C18orf32: variants seen among roughly 807,000 people sequenced by gnomAD.
The protein encoded by C18orf32 is UPF0729 protein C18orf32.
C18orf32 carries 5 observed loss-of-function variants against 7.4 expected under a neutral mutation model. The observed-to-expected ratio is 0.68, with a 90% confidence interval of 0.35 to 1.42. The LOEUF is 1.42. Among genes scored for constraint, C18orf32 ranks in the 40% most tolerant of loss-of-function variants. The pLI is 0.04. For synonymous variants in C18orf32, 30 were observed against 29.3 expected, an observed-to-expected ratio of 1.02 and a Z score of -0.08; for missense variants, 88 against 92.4, an observed-to-expected ratio of 0.95 and a Z score of 0.19.
intron 1 of C18orf32, among the ~76,000 whole-genome samples, 171 bp from the exon 2 acceptor site, chr18:49,483,942 A>C (rs2083699762): frequency 6.6e-6 from 1 of 151,490 alleles, no homozygotes; most frequent in Admixed American, 6.6e-5. Flanking sequence ...ACCAACTTGC[A>C]CAACAAAGTG....
rs1378608696 is a variant in C18orf32, at chr18:49,480,205, C to G, written c.*2140G>C. ...TGGTGGCACACACCTGTAGTCCTAGCAATTCAGGAGGCTGAGGTGGGAGGA... is the reference window on the plus strand; with the variant it reads ...TGGTGGCACACACCTGTAGTCCTAGGAATTCAGGAGGCTGAGGTGGGAGGA... On this transcript the variant is annotated 3_prime_UTR_variant, in exon 3 of 3. Transcript: ENST00000318240. The G allele has an allele frequency of 6.5e-6, 1 of 152,780 alleles. No individual in the cohort carries two copies. Among genetic ancestry groups the G allele is most frequent in the African/African-American group, 2.4e-5 (1 of 41,428 alleles). 9.5% of individuals were successfully genotyped at this position (152,780 alleles called of 1,614,324 possible).
At chr18:49,482,980 G>C (rs926056528) in intron 2 of C18orf32, among the ~76,000 whole-genome samples, 1 of 151,916 alleles carries the variant, frequency 6.6e-6, no homozygotes, top group Non-Finnish European at 1.5e-5. Context: ...GGTATTTTTA[G>C]TAGAAACAGG....
At position 49,479,781 on chromosome 18, in the gene C18orf32, C is replaced by G. The variant is rs187951277; in HGVS notation, c.*2564G>C. 1 of 152,426 alleles carries G rather than the reference C, an allele frequency of 6.6e-6. No homozygotes were observed. Among genetic ancestry groups the G allele is most frequent in the African/African-American group, 2.4e-5 (1 of 41,552 alleles). 9.4% of individuals were successfully genotyped at this position (152,426 alleles called of 1,614,324 possible). On this transcript the variant is annotated 3_prime_UTR_variant, in exon 3 of 3. Coordinates refer to ENST00000318240, the MANE Select transcript of C18orf32 (RefSeq NM_001035005.4). The stretch of plus-strand genomic sequence containing the variant: ...CTGCTATGGATCGCTATTGGCCAAA[C>G]CCAGCAGAACCCAGAGACATGGGAA...
chr18:49,482,848 G>C (rs1244240486), intron 2 of C18orf32, among the ~76,000 whole-genome samples: 1 of 148,600 alleles, frequency 6.7e-6, no homozygotes, highest in Non-Finnish European at 1.5e-5. Flanking sequence ...ACCCAGGCTG[G>C]AGTGCAATGA....
intron 1 of C18orf32, chr18:49,486,130 TCA>T (rs997064263): frequency 6.0e-5 from 9 of 150,316 alleles, no homozygotes; most frequent in Admixed American, 4.7e-4. Context: ...TCCAAAGTTC[TCA>T]CAGAGGTAAC....
intron 1 of C18orf32, chr18:49,485,987 G>A (rs1167611215): frequency 6.6e-6 from 1 of 151,330 alleles, no homozygotes; most frequent in Non-Finnish European, 1.5e-5. Context: ...GCTGAGGAAG[G>A]AGAGAACCGC....
At position 49,482,205 on chromosome 18, in the gene C18orf32, C is replaced by A. The variant is rs2083669491; in HGVS notation, c.*140G>T. The stretch of plus-strand genomic sequence containing the variant: ...TTTTAAATACGGATATCATATATTT[C>A]CTGATTAGTATCAGGTAAATATCTA... On this transcript the variant is annotated 3_prime_UTR_variant, in exon 3 of 3. Transcript: ENST00000318240. 3 of 684,554 alleles carry A rather than the reference C, an allele frequency of 4.4e-6. No individual in the cohort carries two copies. Among genetic ancestry groups the A allele is most frequent in the Non-Finnish European group, 5.2e-6 (2 of 383,658 alleles). The allele number at this position is 684,554 out of a possible 1,614,324, so 42.4% of individuals were successfully genotyped here.
Position 49,481,618 on chromosome 18 carries a change from C to G in C18orf32, c.*727G>C, listed in dbSNP as rs1275956679. The G allele has an allele frequency of 6.6e-6, 1 of 152,158 alleles. No individual in the cohort carries two copies. Among genetic ancestry groups the G allele is most frequent in the Non-Finnish European group, 1.5e-5 (1 of 68,030 alleles). The allele number at this position is 152,158 out of a possible 1,614,324, so 9.4% of individuals were successfully genotyped here. A position where few individuals can be genotyped will look rare whatever the true frequency, so the allele number is the denominator to read the frequency against. ...TGCCTTCTGACGTGGTGAAAAATTTCCCTTTTGAATATTTCAATAGACTTT... is the reference window on the plus strand; with the variant it reads ...TGCCTTCTGACGTGGTGAAAAATTTGCCTTTTGAATATTTCAATAGACTTT... On this transcript the variant is annotated 3_prime_UTR_variant, in exon 3 of 3. Transcript: ENST00000318240.
Position 49,477,398 on chromosome 18 carries a change from C to T in C18orf32, c.*4947G>A, listed in dbSNP as rs111879243. 1.3e-4 allele frequency: 19 copies of T among 150,390 alleles called. 2 individuals carry two copies. Among genetic ancestry groups the T allele is most frequent in the African/African-American group, 4.5e-4 (18 of 39,694 alleles). 9.3% of individuals were successfully genotyped at this position (150,390 alleles called of 1,614,324 possible). ...ACCTCAGCCTCCAGAAACTTTAAAA[C>T]AAGTTCACACATACTGATTAATCTA... is the stretch of plus-strand genomic sequence containing the variant. On this transcript the variant is annotated 3_prime_UTR_variant, in exon 3 of 3. Transcript: ENST00000318240.
intron 1 of C18orf32, chr18:49,486,702 A>G (rs1165331390): frequency 6.6e-6 from 1 of 152,154 alleles, no homozygotes. Flanking sequence ...GTAGACAGTT[A>G]AAGTCTGAGG....
intron 2 of C18orf32, 52 bp downstream of exon 2, chr18:49,483,532 C>T: frequency 6.6e-7 from 1 of 1,506,250 alleles, no homozygotes; most frequent in Non-Finnish European, 8.8e-7. Flanking sequence ...GTGTTTCACC[C>T]AAGTACCACC....
In C18orf32 at chr18:49,478,619, T is replaced by C. The variant is rs1263768235; in HGVS notation, c.*3726A>G. 6.7e-6 allele frequency: 1 copy of C among 150,294 alleles called. No individual in the cohort carries two copies. The highest frequency in any genetic ancestry group is 1.9e-4 in the East Asian group (1 of 5,200). 9.3% of individuals were successfully genotyped at this position (150,294 alleles called of 1,614,324 possible). Reference sequence around the variant, plus strand: ...TATGCAGACCAGGTAGGTTTGTGTGTGTGAAACACCCATGAACAGTGCAGG... The same window carrying C: ...TATGCAGACCAGGTAGGTTTGTGTGCGTGAAACACCCATGAACAGTGCAGG... On this transcript the variant is annotated 3_prime_UTR_variant, in exon 3 of 3. Coordinates refer to ENST00000318240, the MANE Select transcript of C18orf32 (RefSeq NM_001035005.4).
At chr18:49,482,867 C>T (rs554663385) in intron 2 of C18orf32, among the ~76,000 whole-genome samples, 19 of 144,932 alleles carry the variant, frequency 1.3e-4, no homozygotes, top group Admixed American at 1.1e-3. Context: ...GATGTGATCT[C>T]GGCTCACTGA....
rs1482706997 is a variant in C18orf32, at chr18:49,478,933, C to CA, written c.*3411dup. 3 of 152,150 alleles carry CA rather than the reference C, an allele frequency of 2.0e-5. No individual in the cohort carries two copies. The highest frequency in any genetic ancestry group is 4.4e-5 in the Non-Finnish European group (3 of 68,044). The allele number at this position is 152,150 out of a possible 1,614,324, so 9.4% of individuals were successfully genotyped here. A position where few individuals can be genotyped will look rare whatever the true frequency, so the allele number is the denominator to read the frequency against. On this transcript the variant is annotated 3_prime_UTR_variant, in exon 3 of 3. Coordinates refer to ENST00000318240, the MANE Select transcript of C18orf32 (RefSeq NM_001035005.4). ...ATGTTCTTTTTCACTCTTCTGGTGT[C>CA]AAACTGTCTTTTACGAAATACTGGT...
intron 1 of C18orf32, among the ~76,000 whole-genome samples, chr18:49,484,148 ATATATATATATATAT>A (rs373519531): frequency 0.015 from 1,639 of 106,238 alleles, 49 homozygotes; most frequent in African/African-American, 0.019. Flanking sequence ...AAAAAAAAAA[ATATATATATATATAT>A]ATATACACAC....
chr18:49,483,486 A>C, intron 2 of C18orf32, 98 bp downstream of exon 2: 5 of 1,388,024 alleles, frequency 3.6e-6, no homozygotes, highest in Non-Finnish European at 4.9e-6. Context: ...AAACTATTGA[A>C]GCTTCTGGTT....
rs1228061987 is a variant in C18orf32 at position 49,480,465 on chromosome 18, T to C, written c.*1880A>G. 1 of 151,966 alleles carries C rather than the reference T, an allele frequency of 6.6e-6. No homozygotes were observed. The highest frequency in any genetic ancestry group is 2.4e-5 in the African/African-American group (1 of 41,346). The allele number at this position is 151,966 out of a possible 1,614,324, so 9.4% of individuals were successfully genotyped here. A position where few individuals can be genotyped will look rare whatever the true frequency, so the allele number is the denominator to read the frequency against. On this transcript the variant is annotated 3_prime_UTR_variant, in exon 3 of 3. Coordinates refer to ENST00000318240, the MANE Select transcript of C18orf32 (RefSeq NM_001035005.4). Reference sequence around the variant, plus strand: ...AAACGTTGCAATATTACTTAATTTTTAAAAGATGATGTGTGGGCCAGGTGC... The same window carrying C: ...AAACGTTGCAATATTACTTAATTTTCAAAAGATGATGTGTGGGCCAGGTGC...
Position 49,478,605 on chromosome 18 carries a change from G to C in C18orf32, c.*3740C>G, listed in dbSNP as rs1164043733. The C allele has an allele frequency of 6.7e-6, 1 of 150,302 alleles. No individual in the cohort carries two copies. The highest frequency in any genetic ancestry group is 3.2e-3 in the Middle Eastern group (1 of 316). 9.3% of individuals were successfully genotyped at this position (150,302 alleles called of 1,614,324 possible). A position where few individuals can be genotyped will look rare whatever the true frequency, so the allele number is the denominator to read the frequency against. On this transcript the variant is annotated 3_prime_UTR_variant, in exon 3 of 3. Coordinates refer to ENST00000318240, the MANE Select transcript of C18orf32 (RefSeq NM_001035005.4). ...CTGTATTTCAGGTTTATGCAGACCA[G>C]GTAGGTTTGTGTGTGTGAAACACCC...
At chr18:49,483,338 C>T (rs1156691645) in intron 2 of C18orf32, among the ~76,000 whole-genome samples, 1 of 152,122 alleles carries the variant, frequency 6.6e-6, no homozygotes, top group Non-Finnish European at 1.5e-5. Context: ...TGGTTTGTAT[C>T]AGCATAATCT....
Sources: gnomAD v4.1 joint callset for allele counts (sites outside exome capture counted in the v4.1 genomes callset) on GRCh38, gnomAD v4.1.1 for gene constraint, MANE v1.5 for transcripts, NCBI Gene and HGNC (gene_info 2026-07-23, HGNC 2026-07-21) for gene names.